The following SLC25A13 variants were observed in gnomAD, a reference collection of about 807,000 sequenced individuals.
SLC25A13 encodes electrogenic aspartate/glutamate antiporter SLC25A13, mitochondrial.
A neutral mutation model predicts 85.5 loss-of-function variants in SLC25A13; 70 were observed. That is an observed-to-expected ratio of 0.82 (90% CI 0.68 to 1.00). The LOEUF is 1.00. Among genes scored for constraint, SLC25A13 ranks in the 50% least tolerant of loss-of-function variants. The probability of loss-of-function intolerance (pLI) is 0.00; values close to 1 mark genes in which losing one functional copy is unlikely to be tolerated. For missense variants in SLC25A13, 765 were observed against 819.8 expected, an observed-to-expected ratio of 0.93 and a Z score of 0.82; for synonymous variants, 259 against 288.7, an observed-to-expected ratio of 0.90 and a Z score of 1.04.
chr7:96,258,543 C>T (rs930760914), intron 3 of SLC25A13, among the ~76,000 whole-genome samples: 3 of 152,102 alleles, frequency 2.0e-5, no homozygotes, highest in African/African-American at 7.2e-5. Flanking sequence ...AACTACAAAC[C>T]GCTGCTCAAG....
At chr7:96,255,322 A>T (rs114533602) in intron 3 of SLC25A13, among the ~76,000 whole-genome samples, 2,061 of 152,328 alleles carry the variant, frequency 0.014, 42 homozygotes, top group African/African-American at 0.048. Flanking sequence ...ATTACTTTGG[A>T]TTTAACTGTG....
intron 15 of SLC25A13, among the ~76,000 whole-genome samples, chr7:96,128,939 G>GCTCTCTCCCT (rs1791871399): frequency 1.2e-5 from 1 of 81,850 alleles, no homozygotes; most frequent in African/African-American, 4.3e-5. Flanking sequence ...TGCCTTGCTT[G>GCTCTCTCCCT]CTCTCTCTCT....
At chr7:96,301,440 A>C (rs1335319279) in intron 1 of SLC25A13, among the ~76,000 whole-genome samples, 1 of 152,206 alleles carries the variant, frequency 6.6e-6, no homozygotes, top group African/African-American at 2.4e-5. Flanking sequence ...TTAAAACAAA[A>C]ATTTTATATC....
rs1371696093 is a variant in SLC25A13 at position 96,193,114 on chromosome 7, C to T, written c.538G>A (p.Ala180Thr). Residue 180 changes from alanine to threonine, a missense_variant, in exon 6 of 18, where the codon GCC (alanine) becomes ACC (threonine). Coordinates refer to ENST00000265631, the MANE Select transcript of SLC25A13 (RefSeq NM_014251.3). ...ACCATGATGTCTCGGAAGTCGATGG[C>T]TGTGACTCTCCCAGTCCTAGCATTG... ...RDNARTGRVTAIDFRDIMVTI... is the reference protein window; with the variant it reads ...RDNARTGRVTTIDFRDIMVTI... 4 of 1,614,154 alleles carry T rather than the reference C, an allele frequency of 2.5e-6. No homozygotes were observed. Among genetic ancestry groups the T allele is most frequent in the Non-Finnish European group, 3.4e-6 (4 of 1,180,030 alleles).
At chr7:96,149,713 C>A (rs1792951622) in intron 13 of SLC25A13, among the ~76,000 whole-genome samples, 1 of 152,178 alleles carries the variant, frequency 6.6e-6, no homozygotes, top group Non-Finnish European at 1.5e-5. Flanking sequence ...GACTCCAAGG[C>A]ACCAAGAGAA....
intron 14 of SLC25A13, among the ~76,000 whole-genome samples, chr7:96,138,362 T>C (rs1792374424): frequency 1.3e-5 from 2 of 152,178 alleles, no homozygotes; most frequent in South Asian, 4.2e-4. Context: ...TTTTCAATTA[T>C]CCTACACCTG....
intron 15 of SLC25A13, among the ~76,000 whole-genome samples, chr7:96,127,886 C>T (rs1366930178): frequency 3.9e-5 from 6 of 152,284 alleles, no homozygotes; most frequent in African/African-American, 1.4e-4. Context: ...GTATCCTCTC[C>T]CTAAGAAATG....
intron 5 of SLC25A13, among the ~76,000 whole-genome samples, chr7:96,205,868 G>GT (rs1795440156): frequency 6.6e-6 from 1 of 151,668 alleles, no homozygotes; most frequent in South Asian, 2.1e-4. Flanking sequence ...CATGACCCAA[G>GT]TAAGATCCTC....
chr7:96,269,333 C>A (rs1037106177), intron 3 of SLC25A13, among the ~76,000 whole-genome samples: 2 of 152,152 alleles, frequency 1.3e-5, no homozygotes, highest in Admixed American at 6.5e-5. Context: ...GGTGTTAAGG[C>A]CGTAAGTGCA....
rs1475129317 is a variant in SLC25A13 at position 96,120,584 on chromosome 7, G to A, written c.*607C>T. 1 of 454,380 alleles carries A rather than the reference G, an allele frequency of 2.2e-6. No individual in the cohort carries two copies. Among genetic ancestry groups the A allele is most frequent in the East Asian group, 6.9e-5 (1 of 14,406 alleles). 28.1% of individuals were successfully genotyped at this position (454,380 alleles called of 1,614,324 possible). A position where few individuals can be genotyped will look rare whatever the true frequency, so the allele number is the denominator to read the frequency against. ...AAAGTACAAAGGCATTTCCCTAGTA[G>A]TCTTGGTACCAGTAACAATATGATT... is the stretch of plus-strand genomic sequence containing the variant. On this transcript the variant is annotated 3_prime_UTR_variant, in exon 18 of 18. Coordinates refer to ENST00000265631, the MANE Select transcript of SLC25A13 (RefSeq NM_014251.3).
chr7:96,271,716 T>C (rs1168836331), intron 3 of SLC25A13, among the ~76,000 whole-genome samples: 2 of 152,120 alleles, frequency 1.3e-5, no homozygotes, highest in African/African-American at 2.4e-5. Flanking sequence ...ATACTATATA[T>C]GTAAAATATA....
At position 96,184,892 on chromosome 7, in the gene SLC25A13, C is replaced by T. The variant is rs764417564; in HGVS notation, c.1018+35G>A. On this transcript the variant is annotated intron_variant, in intron 10 of 17. Transcript: ENST00000265631. ...ATCAGAGAAAAGAGAATAGGAATAA[C>T]AAAAGTGAAAATTTTTCTCTCATCC... 5.9e-6 allele frequency: 9 copies of T among 1,537,798 alleles called. No individual in the cohort carries two copies. The East Asian group carries it at 1.8e-4, about 31-fold the overall frequency.
chr7:96,279,093 T>C (rs913875833), intron 2 of SLC25A13, among the ~76,000 whole-genome samples: 3 of 152,110 alleles, frequency 2.0e-5, no homozygotes, highest in African/African-American at 4.8e-5. Context: ...AGAAGAGAAA[T>C]TGTTGAGTCA....
chr7:96,178,174 T>C (rs1342719973), intron 11 of SLC25A13, among the ~76,000 whole-genome samples: 1 of 151,990 alleles, frequency 6.6e-6, no homozygotes, highest in African/African-American at 2.4e-5. Context: ...GGTGAACCAG[T>C]GAGAGCAGGA....
At chr7:96,147,587 A>G (rs73708483) in intron 13 of SLC25A13, among the ~76,000 whole-genome samples, 3,279 of 152,326 alleles carry the variant, frequency 0.022, 122 homozygotes, top group African/African-American at 0.076. Context: ...ATTCCTTGTC[A>G]CACATATATG....
intron 13 of SLC25A13, among the ~76,000 whole-genome samples, chr7:96,162,761 G>A (rs1179962372): frequency 6.6e-6 from 1 of 152,166 alleles, no homozygotes; most frequent in African/African-American, 2.4e-5. Context: ...AAGATGTGCA[G>A]AGGGATGCAA....
chr7:96,289,000 C>T lies in SLC25A13; in HGVS notation c.69+7898G>A, dbSNP rs372677420. On this transcript the variant is annotated intron_variant, in intron 2 of 17. Transcript: ENST00000265631. ...AGCCCCAAGTAGCCTAACTGGGAGGCGCCCCCCAGTAGGGGCAGATTGACA... is the reference window on the plus strand; with the variant it reads ...AGCCCCAAGTAGCCTAACTGGGAGGTGCCCCCCAGTAGGGGCAGATTGACA... Among the ~76,000 whole-genome samples, 48 of 152,292 alleles carry T rather than the reference C, an allele frequency of 3.2e-4. No homozygotes were observed. In the East Asian group the frequency reaches 6.0e-3, roughly 19 times the overall value.
At chr7:96,246,114 AG>A (rs1209696937) in intron 3 of SLC25A13, among the ~76,000 whole-genome samples, 1 of 152,258 alleles carries the variant, frequency 6.6e-6, no homozygotes. Flanking sequence ...ACCCAAGGAC[AG>A]AAAGACTGGC....
At chr7:96,279,279 A>AT (rs1219094754) in intron 2 of SLC25A13, among the ~76,000 whole-genome samples, 3 of 152,202 alleles carry the variant, frequency 2.0e-5, no homozygotes, top group African/African-American at 7.2e-5. Flanking sequence ...GAGTGTATAG[A>AT]ATTTTTTTCT....
Sources: gnomAD v4.1 joint callset for allele counts (sites outside exome capture counted in the v4.1 genomes callset) on GRCh38, gnomAD v4.1.1 for gene constraint, MANE v1.5 for transcripts, NCBI Gene and HGNC (gene_info 2026-07-23, HGNC 2026-07-21) for gene names.